GLG1: variants seen among roughly 807,000 people sequenced by gnomAD.
GLG1 encodes the protein Golgi apparatus protein 1.
In GLG1, 38 loss-of-function variants were observed where a neutral mutation model predicts 160.5. The ratio of observed to expected loss-of-function variants is 0.24; its 90% confidence interval spans 0.18 to 0.31. GLG1 has a LOEUF of 0.31. Ranked by LOEUF, GLG1 falls within the 10% of genes least tolerant of loss-of-function variation. The pLI, the probability that GLG1 is intolerant of heterozygous loss-of-function variation, is 1.00. For missense variants in GLG1, 1,373 were observed against 1,505.2 expected, an observed-to-expected ratio of 0.91 and a Z score of 1.45; for synonymous variants, 644 against 543.4, an observed-to-expected ratio of 1.19 and a Z score of -2.57.
chr16:74,509,413 C>T (rs1447040926), intron 2 of GLG1, among the ~76,000 whole-genome samples: 1 of 151,734 alleles, frequency 6.6e-6, no homozygotes, highest in East Asian at 1.9e-4. Flanking sequence ...CTGCTTGAAC[C>T]AAAAAGTCTA....
chr16:74,565,611 T>C (rs1166991043), intron 1 of GLG1, among the ~76,000 whole-genome samples: 2 of 152,174 alleles, frequency 1.3e-5, no homozygotes, highest in Non-Finnish European at 2.9e-5. Context: ...AATCCTGCAG[T>C]TTCTGTACCT....
At chr16:74,469,777 C>T (rs2015130363) in intron 16 of GLG1, 2 of 577,154 alleles carry the variant, frequency 3.5e-6, no homozygotes, top group Non-Finnish European at 3.1e-6. Context: ...CTCCTTTAGC[C>T]TATGGGACCT....
rs1183725865 is a variant in GLG1 at position 74,495,779 on chromosome 16, TGAGAAGTGAGATA to T, written c.978+649_978+661del. Among the ~76,000 whole-genome samples the T allele has an allele frequency of 2.6e-5, 4 of 152,232 alleles. No individual in the cohort carries two copies. The East Asian group carries it at 7.7e-4, about 29-fold the overall frequency. On this transcript the variant is annotated intron_variant, in intron 5 of 25. Coordinates refer to ENST00000422840, the MANE Select transcript of GLG1 (RefSeq NM_001145667.2). ...AAAACAGACTTCCAAGAACTGAAAT[TGAGAAGTGAGATA>T]AAGCAGAAAAAATACTAAGTGGAGA...
In GLG1 at chr16:74,538,070, T is replaced by C. The variant is rs2017734380; in HGVS notation, c.439-5917A>G. ...TCTAAAATATGGAACATTCTACAGT[T>C]TCCACTGAAGCTGAACTACATCAGA... On this transcript the variant is annotated intron_variant, in intron 1 of 25. Transcript: ENST00000422840. Among the ~76,000 whole-genome samples the C allele has an allele frequency of 3.3e-5, 5 of 150,988 alleles. No individual in the cohort carries two copies. The Admixed American group carries it at 3.3e-4, about 10-fold the overall frequency.
At chr16:74,518,162 C>G (rs760430212) in intron 2 of GLG1, among the ~76,000 whole-genome samples, 17 of 152,154 alleles carry the variant, frequency 1.1e-4, no homozygotes, top group Admixed American at 3.9e-4. Flanking sequence ...CCTCATCAAG[C>G]TGCCACTGAC....
chr16:74,501,318 C>T (rs905959043), intron 4 of GLG1, among the ~76,000 whole-genome samples: 2 of 152,176 alleles, frequency 1.3e-5, no homozygotes, highest in African/African-American at 4.8e-5. Flanking sequence ...ACAAGAAAGC[C>T]TTTGATGCTG....
At chr16:74,468,753 A>G in intron 17 of GLG1, 193 bp downstream of exon 17, 1 of 581,708 alleles carries the variant, frequency 1.7e-6, no homozygotes, top group East Asian at 2.8e-5. Flanking sequence ...ATGTGGGAAG[A>G]AAGGTTTTAT....
At chr16:74,480,433 A>C in intron 10 of GLG1, 39 bp from the exon 11 acceptor site, 1 of 1,496,712 alleles carries the variant, frequency 6.7e-7, no homozygotes, top group Non-Finnish European at 9.2e-7. Flanking sequence ...ACTAATTAAT[A>C]GACATTTCCT....
intron 1 of GLG1, among the ~76,000 whole-genome samples, chr16:74,580,911 A>T (rs1406188403): frequency 6.6e-6 from 1 of 152,198 alleles, no homozygotes; most frequent in Non-Finnish European, 1.5e-5. Flanking sequence ...TCTCTACTAA[A>T]AATACAAAAA....
chr16:74,590,872 A>C (rs138796253), intron 1 of GLG1, among the ~76,000 whole-genome samples: 2 of 151,468 alleles, frequency 1.3e-5, no homozygotes, highest in Admixed American at 1.3e-4. Flanking sequence ...ATCAATACAC[A>C]TAAGTCAGGT....
intron 1 of GLG1, among the ~76,000 whole-genome samples, chr16:74,588,255 G>A (rs894128315): frequency 6.6e-6 from 1 of 151,696 alleles, no homozygotes; most frequent in Non-Finnish European, 1.5e-5. Flanking sequence ...ATTTGTTGAT[G>A]GATTTAAATA....
At chr16:74,558,223 C>T (rs1033942452) in intron 1 of GLG1, among the ~76,000 whole-genome samples, 2 of 152,138 alleles carry the variant, frequency 1.3e-5, no homozygotes, top group Non-Finnish European at 2.9e-5. Context: ...TACTGGCTCA[C>T]CAACATTTCA....
At chr16:74,526,959 C>G (rs553871619) in intron 2 of GLG1, among the ~76,000 whole-genome samples, 14 of 152,264 alleles carry the variant, frequency 9.2e-5, no homozygotes, top group Non-Finnish European at 2.9e-5. Flanking sequence ...AGGGCATAAT[C>G]TGTGTTTTGG....
chr16:74,489,323 T>C (rs1160252366), intron 8 of GLG1, among the ~76,000 whole-genome samples: 2 of 151,760 alleles, frequency 1.3e-5, no homozygotes, highest in Non-Finnish European at 2.9e-5. Flanking sequence ...ATACAAAAAT[T>C]AGCTGGGTGT....
At chr16:74,505,747 T>C (rs925983090) in intron 3 of GLG1, among the ~76,000 whole-genome samples, 2 of 152,146 alleles carry the variant, frequency 1.3e-5, no homozygotes, top group Non-Finnish European at 2.9e-5. Context: ...CCCAGCTACT[T>C]GGAAGGCTGA....
rs373861526 is a variant in GLG1, at chr16:74,565,735, CA to C, written c.439-33583del. ...CTGGTTCGAGAGGCTGCCTGATTCG[CA>C]AATTATTCTTTGCACAATTAAATTC... On this transcript the variant is annotated intron_variant, in intron 1 of 25. Coordinates refer to ENST00000422840, the MANE Select transcript of GLG1 (RefSeq NM_001145667.2). 2.1e-4 allele frequency among the ~76,000 whole-genome samples: 32 copies of C among 152,322 alleles called. No individual in the cohort carries two copies. In the East Asian group the frequency reaches 5.8e-3, roughly 28 times the overall value.
chr16:74,521,441 AGTGAAAAT>A (rs2017160697), intron 2 of GLG1, among the ~76,000 whole-genome samples: 1 of 152,154 alleles, frequency 6.6e-6, no homozygotes, highest in African/African-American at 2.4e-5. Flanking sequence ...GGGCAATAGC[AGTGAAAAT>A]GGCCAAATTC....
chr16:74,460,694 T>C (rs1323006953), intron 22 of GLG1, among the ~76,000 whole-genome samples: 1 of 152,190 alleles, frequency 6.6e-6, no homozygotes, highest in Non-Finnish European at 1.5e-5. Context: ...CTATATTGGA[T>C]GCCAGGCTTC....
rs868471458 is a variant in GLG1 at position 74,498,450 on chromosome 16, A to G, written c.775-1806T>C. On this transcript the variant is annotated intron_variant, in intron 4 of 25. Transcript: ENST00000422840. The stretch of plus-strand genomic sequence containing the variant: ...CTCTGTCTCAAAAAAAAAAAAAAGT[A>G]TATATATATATATATATTATATTTT... Among the ~76,000 whole-genome samples, 63 of 79,064 alleles carry G rather than the reference A, an allele frequency of 8.0e-4. 7 individuals are homozygous for G. The highest frequency in any genetic ancestry group is 1.3e-3 in the Non-Finnish European group (50 of 39,804). The allele number at this position is 79,064 out of a possible 152,430, so 51.9% of individuals were successfully genotyped here. A position where few individuals can be genotyped will look rare whatever the true frequency, so the allele number is the denominator to read the frequency against.
Sources: allele counts gnomAD v4.1 joint callset (sites outside exome capture counted in the v4.1 genomes callset), GRCh38; gene constraint gnomAD v4.1.1; transcripts MANE v1.5; gene names NCBI Gene and HGNC (gene_info 2026-07-23, HGNC 2026-07-21).